The following CAMKK1 variants were observed in gnomAD, a reference collection of about 807,000 sequenced individuals.
CAMKK1 encodes the protein calcium/calmodulin-dependent protein kinase kinase 1.
Under a neutral mutation model 63.5 loss-of-function variants are expected in CAMKK1, and 20 were observed. The ratio of observed to expected loss-of-function variants is 0.32; its 90% CI spans 0.22 to 0.46. CAMKK1 has a LOEUF of 0.46. Among genes scored for constraint, CAMKK1 ranks in the 20% least tolerant of loss-of-function variants. CAMKK1 has a pLI of 1.00. For synonymous variants in CAMKK1, 253 were observed against 269.0 expected (o/e 0.94, Z 0.58); for missense variants, 588 against 658.1 (o/e 0.89, Z 1.17).
chr17:3,869,588 C>A lies in CAMKK1; in HGVS notation c.1240G>T (p.Glu414Ter). 6.2e-7 allele frequency: 1 copy of A among 1,614,232 alleles called. No homozygotes were observed. Among genetic ancestry groups the A allele is most frequent in the Non-Finnish European group, 8.5e-7 (1 of 1,180,048 alleles). The change falls in exon 14 of 16, where the codon GAG becomes TAG. Residue 414 changes from glutamate (E) to a stop codon, truncating the protein, a stop_gained. Transcript: ENST00000348335. LOFTEE classifies it high-confidence loss of function. ...TCCTCCTCCGAAGGAAGGGGCTCCT[C>A]CCCGTTCTTGGTCACCCAAGGGTGC... is the stretch of plus-strand genomic sequence containing the variant. ...KLHPWVTKNG[E>*]EPLPSEEEHC...
At chr17:3,868,090 C>CACAGGA (rs1567613071) in intron 14 of CAMKK1, among the ~76,000 whole-genome samples, 1 of 45,062 alleles carries the variant, frequency 2.2e-5, no homozygotes, top group Non-Finnish European at 3.8e-5. Context: ...GATACGTGGG[C>CACAGGA]TCTGGGGGAG....
chr17:3,886,110 A>G (rs1473723768), intron 1 of CAMKK1, among the ~76,000 whole-genome samples: 1 of 152,232 alleles, frequency 6.6e-6, no homozygotes, highest in Non-Finnish European at 1.5e-5. Flanking sequence ...CAGCCCTGTG[A>G]GTCATGAGTC....
Position 3,867,181 on chromosome 17 carries a change from C to T in CAMKK1, c.1342-1170G>A, listed in dbSNP as rs1428042402. ...TGAAGCTACAGGGTCAGGGAAGGCT[C>T]GCTTCTCTCTAGGAGGGGACCCTGG... On this transcript the variant is annotated intron_variant, in intron 14 of 15. Transcript: ENST00000348335. 3.9e-5 allele frequency among the ~76,000 whole-genome samples: 6 copies of T among 152,280 alleles called. No individual in the cohort carries two copies. In the East Asian group the frequency reaches 5.8e-4, roughly 15 times the overall value.
chr17:3,876,445 C>G, intron 9 of CAMKK1, 23 bp from the exon 10 acceptor site: 1 of 1,608,424 alleles, frequency 6.2e-7, no homozygotes, highest in Non-Finnish European at 8.5e-7. Flanking sequence ...GGAGCTTGAG[C>G]TGAGCGCTGG....
rs2054345452 is a variant in CAMKK1, at chr17:3,862,043, G to A, written c.*168C>T. The A allele has an allele frequency of 6.5e-6, 4 of 618,678 alleles. No homozygotes were observed. The East Asian group carries it at 1.1e-4, about 17-fold the overall frequency. 38.3% of individuals were successfully genotyped at this position (618,678 alleles called of 1,614,324 possible). ...CCCCAAATGACATACATTCCAGTCT[G>A]TCCCTGGACGTGCGTGCGTGGAGGT... On this transcript the variant is annotated 3_prime_UTR_variant, in exon 16 of 16. Transcript: ENST00000348335. This position sits in a 1 kb window ranked among gnomAD's most constrained non-coding sequence, Gnocchi z 4.1.
rs1431793625 is a variant in CAMKK1, at chr17:3,883,087, G to A, written c.603C>T (p.Ala201=). The A allele has an allele frequency of 6.2e-7, 1 of 1,613,916 alleles. No homozygotes were observed. Among genetic ancestry groups the A allele is most frequent in the South Asian group, 1.1e-5 (1 of 91,084 alleles). The change falls in exon 6 of 16, where the codon GCC becomes GCT. Residue 201 remains alanine, a synonymous_variant. Coordinates refer to ENST00000348335, the MANE Select transcript of CAMKK1 (RefSeq NM_032294.3). This position sits in a 1 kb window ranked among gnomAD's most constrained non-coding sequence, Gnocchi z 4.7. ...LPLERVYQEI[A]ILKKLDHVNV... is the part of the protein sequence containing the mutation. ...TCACGTGGTCCAGCTTCTTCAGGAT[G>A]GCAATCTCCTGGTACACCCGCTCCA... is the stretch of plus-strand genomic sequence containing the variant.
chr17:3,877,252 T>A lies in CAMKK1; in HGVS notation c.797-830A>T, dbSNP rs183013291. ...AGGTACCATCTCAGCCCTCGGGATC[T>A]GGGCTGATGGGGTTTCAGAGAGATG... On this transcript the variant is annotated intron_variant, in intron 9 of 15. Transcript: ENST00000348335. 3.3e-5 allele frequency among the ~76,000 whole-genome samples: 5 copies of A among 152,300 alleles called. No individual in the cohort carries two copies. The East Asian group carries it at 9.7e-4, about 29-fold the overall frequency.
chr17:3,889,473 T>C lies in CAMKK1; in HGVS notation c.-44+3466A>G, dbSNP rs1280568490. 6.6e-6 allele frequency among the ~76,000 whole-genome samples: 1 copy of C among 152,030 alleles called. No individual in the cohort carries two copies. The highest frequency in any genetic ancestry group is 1.9e-4 in the East Asian group (1 of 5,162). ...CCCCCCAGACTGGGGATCTGCTGCC[T>C]CGGACAAGTCATCGAGCCTCTTGGA... is the stretch of plus-strand genomic sequence containing the variant. On this transcript the variant is annotated intron_variant, in intron 1 of 15. Transcript: ENST00000348335. This position sits in a 1 kb window ranked among gnomAD's most constrained non-coding sequence, Gnocchi z 5.2.
rs1038664658 is a variant in CAMKK1 at position 3,890,508 on chromosome 17, T to A, written c.-44+2431A>T. 6.6e-6 allele frequency among the ~76,000 whole-genome samples: 1 copy of A among 152,056 alleles called. No individual in the cohort carries two copies. Among genetic ancestry groups the A allele is most frequent in the Non-Finnish European group, 1.5e-5 (1 of 67,986 alleles). ...CGTCCATGTTCCCGAGCAGCTCAGA[T>A]CCAACAGGCCCCAGATTCAACTCAG... is the stretch of plus-strand genomic sequence containing the variant. On this transcript the variant is annotated intron_variant, in intron 1 of 15. Coordinates refer to ENST00000348335, the MANE Select transcript of CAMKK1 (RefSeq NM_032294.3). The surrounding 1 kb of genome is among the most constrained non-coding windows in gnomAD (Gnocchi z 6.5).
Position 3,885,647 on chromosome 17 carries a change from G to C in CAMKK1, c.41C>G (p.Ala14Gly). ...GGCTGCCACCCGTTCTACCAGCTCT[G>C]CCCGAGGATCCTGGCAGCAGACAGC... Reference protein sequence around the residue: ...GPAVCCQDPRAELVERVAAID... With the variant: ...GPAVCCQDPRGELVERVAAID... The change falls in exon 2 of 16, where the codon GCA (alanine) becomes GGA (glycine). Residue 14 changes from alanine to glycine, a missense_variant. Physicochemically the swap from Ala to Gly is moderately conservative, Grantham distance 60 (BLOSUM62 0). This residue lies in a region of CAMKK1 where 357 missense variants were observed against 407.4 expected (regional missense o/e 0.88). Transcript: ENST00000348335. The C allele has an allele frequency of 6.2e-7, 1 of 1,613,726 alleles. No individual in the cohort carries two copies.
chr17:3,891,112 G>C (rs978030275), intron 1 of CAMKK1, among the ~76,000 whole-genome samples: 5 of 151,458 alleles, frequency 3.3e-5, no homozygotes, highest in Admixed American at 6.6e-5. Context: ...GCAAGGTTGG[G>C]GGGGGGGTCA....
rs1364091394 is a variant in CAMKK1 at position 3,890,074 on chromosome 17, T to C, written c.-44+2865A>G. Among the ~76,000 whole-genome samples, 1 of 152,132 alleles carries C rather than the reference T, an allele frequency of 6.6e-6. No homozygotes were observed. Among genetic ancestry groups the C allele is most frequent in the Non-Finnish European group, 1.5e-5 (1 of 67,992 alleles). On this transcript the variant is annotated intron_variant, in intron 1 of 15. Coordinates refer to ENST00000348335, the MANE Select transcript of CAMKK1 (RefSeq NM_032294.3). The surrounding 1 kb of genome is among the most constrained non-coding windows in gnomAD (Gnocchi z 6.5). ...CGAACAGAAGGGAAAGCCGCAGAGG[T>C]GGCGGCCACCCAGGCCAGACACAGA...
At chr17:3,864,542 G>A (rs1047765953) in intron 15 of CAMKK1, among the ~76,000 whole-genome samples, 5 of 151,950 alleles carry the variant, frequency 3.3e-5, no homozygotes, top group African/African-American at 4.9e-5. Flanking sequence ...CACCGCACCC[G>A]GCCGTGCTGG....
At chr17:3,864,984 G>A (rs570168397) in intron 15 of CAMKK1, among the ~76,000 whole-genome samples, 5 of 152,292 alleles carry the variant, frequency 3.3e-5, no homozygotes, top group South Asian at 2.1e-4. Context: ...TGGGGAGTGC[G>A]CCTTCCACAC....
Position 3,868,766 on chromosome 17 carries a change from C to T in CAMKK1, c.1341+721G>A, listed in dbSNP as rs143800850. ...CTCCCAGGTTCAAGCGATTCTCCTG[C>T]CTCGGCCTCCCCAGTAGCTGGGACT... On this transcript the variant is annotated intron_variant, in intron 14 of 15. Coordinates refer to ENST00000348335, the MANE Select transcript of CAMKK1 (RefSeq NM_032294.3). Among the ~76,000 whole-genome samples the T allele has an allele frequency of 8.4e-3, 1,277 of 152,058 alleles. 15 individuals are homozygous for T. Among genetic ancestry groups the T allele is most frequent in the East Asian group, 0.072 (369 of 5,156 alleles).
Position 3,882,425 on chromosome 17 carries a change from G to C in CAMKK1, c.685+103C>G. 1.3e-6 allele frequency: 2 copies of C among 1,585,168 alleles called. No individual in the cohort carries two copies. Among genetic ancestry groups the C allele is most frequent in the South Asian group, 2.2e-5 (2 of 90,402 alleles). ...GTGTGTTTTTCTTCTGTCCCCAGGA[G>C]GTCAGTGCATTTACACCGCCCACCT... is the stretch of plus-strand genomic sequence containing the variant. On this transcript the variant is annotated intron_variant, in intron 7 of 15. Transcript: ENST00000348335. The surrounding 1 kb of genome is among the most constrained non-coding windows in gnomAD (Gnocchi z 4.3).
rs776379628 is a variant in CAMKK1, at chr17:3,869,446, G to C, written c.1341+41C>G. 4 of 1,612,566 alleles carry C rather than the reference G, an allele frequency of 2.5e-6. No homozygotes were observed. The Admixed American group carries it at 6.7e-5, about 27-fold the overall frequency. On this transcript the variant is annotated intron_variant, in intron 14 of 15. Transcript: ENST00000348335. ...CACAGAGCAAGGCTCAGGTCCCCCA[G>C]GCCCTCCAGGACAAGGGAGCATCTA...
intron 14 of CAMKK1, among the ~76,000 whole-genome samples, chr17:3,867,595 T>C (rs1053440624): frequency 1.3e-5 from 2 of 151,982 alleles, no homozygotes; most frequent in Non-Finnish European, 2.9e-5. Context: ...GTGGCTAAGA[T>C]CAGGCAAGTG....
intron 9 of CAMKK1, 65 bp downstream of exon 9, chr17:3,880,281 C>T: frequency 7.2e-7 from 1 of 1,395,370 alleles, no homozygotes; most frequent in Admixed American, 1.7e-5. Context: ...TCTGCTCAGC[C>T]TGGGCTCTGC....
Sources: allele counts gnomAD v4.1 joint callset (sites outside exome capture counted in the v4.1 genomes callset), GRCh38; gene constraint gnomAD v4.1.1; regional missense constraint gnomAD v4.1.1; non-coding constraint Gnocchi (gnomAD v3.1); transcripts MANE v1.5; gene names NCBI Gene and HGNC (gene_info 2026-07-23, HGNC 2026-07-21).